The following POLR2F variants were observed in gnomAD, a reference collection of about 807,000 sequenced individuals.
The protein encoded by POLR2F is DNA-directed RNA polymerases I, II, and III subunit RPABC2.
POLR2F carries 12 observed loss-of-function variants against 22.7 expected under a neutral mutation model. The observed-to-expected ratio is 0.53, with a 90% confidence interval of 0.34 to 0.86. POLR2F has a LOEUF of 0.86. Ranked by LOEUF, POLR2F falls within the 40% of genes least tolerant of loss-of-function variation. POLR2F has a pLI of 0.02. For missense variants in POLR2F, 126 were observed against 171.5 expected, an observed-to-expected ratio of 0.73 and a Z score of 1.48; for synonymous variants, 57 against 66.0, an observed-to-expected ratio of 0.86 and a Z score of 0.66.
upstream of POLR2F, among the ~76,000 whole-genome samples, chr22:37,983,037 G>A (rs1932449373): frequency 6.6e-6 from 1 of 152,210 alleles, no homozygotes; most frequent in Non-Finnish European, 1.5e-5. The surrounding 1 kb of genome is among the most constrained non-coding windows in gnomAD (Gnocchi z 9.5). Flanking sequence ...GTATCTGTGG[G>A]CAGGAGTTAG....
intron 1 of POLR2F, among the ~76,000 whole-genome samples, chr22:38,020,418 C>G (rs1484559728): frequency 1.3e-5 from 2 of 151,280 alleles, no homozygotes; most frequent in Admixed American, 6.6e-5. Flanking sequence ...GTGTGCACCA[C>G]CACACCTGGC....
chr22:37,968,665 T>C lies in POLR2F; in HGVS notation c.*950T>C. ...CTCCTAGAGGGGGTCAGGGGGAGGG[T>C]GTATATTGACATGAACAGGGATAGA... is the stretch of plus-strand genomic sequence containing the variant. On this transcript the variant is annotated 3_prime_UTR_variant, in exon 5 of 5. Coordinates refer to ENST00000442738, the MANE Select transcript of POLR2F (RefSeq NM_021974.5). 1.0e-6 allele frequency: 1 copy of C among 985,060 alleles called. No homozygotes were observed. Among genetic ancestry groups the C allele is most frequent in the South Asian group, 4.7e-5 (1 of 21,272 alleles). The allele number at this position is 985,060 out of a possible 1,614,324, so 61.0% of individuals were successfully genotyped here.
At chr22:38,008,299 C>T (rs2084840880) in intron 1 of POLR2F, among the ~76,000 whole-genome samples, 1 of 151,914 alleles carries the variant, frequency 6.6e-6, no homozygotes, top group African/African-American at 2.4e-5. Flanking sequence ...CCTGTAATCC[C>T]ACCACTTTGA....
intron 1 of POLR2F, among the ~76,000 whole-genome samples, chr22:38,018,017 G>A (rs936948955): frequency 7.9e-5 from 12 of 152,318 alleles, no homozygotes; most frequent in Non-Finnish European, 2.9e-5. Context: ...AGATCCTCCT[G>A]GGCTTCAGCT....
Position 37,986,992 on chromosome 22 carries a change from G to T in POLR2F, c.120+680G>T, listed in dbSNP as rs766790108. The T allele has an allele frequency of 2.2e-6, 1 of 453,810 alleles. No individual in the cohort carries two copies. The highest frequency in any genetic ancestry group is 1.6e-5 in the South Asian group (1 of 64,476). The allele number at this position is 453,810 out of a possible 1,614,324, so 28.1% of individuals were successfully genotyped here. ...CCTTCTCCTCCTTTCCCTGCTGGGG[G>T]TGGCAGGGGTCCCTTTACCCCCTCA... On this transcript the variant is annotated intron_variant, in intron 1 of 2. Transcript: ENST00000333418. This position sits in a 1 kb window ranked among gnomAD's most constrained non-coding sequence, Gnocchi z 4.7.
upstream of POLR2F, among the ~76,000 whole-genome samples, chr22:37,984,031 C>T (rs1185433059): frequency 6.6e-6 from 1 of 152,140 alleles, no homozygotes; most frequent in Non-Finnish European, 1.5e-5. This position sits in a 1 kb window ranked among gnomAD's most constrained non-coding sequence, Gnocchi z 4.4. Context: ...TGGGTGCGTC[C>T]CGCCTCTGTG....
chr22:38,034,944 C>T (rs1380259731), intron 5 of POLR2F, among the ~76,000 whole-genome samples: 1 of 151,978 alleles, frequency 6.6e-6, no homozygotes, highest in African/African-American at 2.4e-5. Context: ...CTCCCCACCC[C>T]ACCTTGCTAG....
chr22:38,003,686 C>T (rs892925076), intron 1 of POLR2F, among the ~76,000 whole-genome samples: 1 of 152,004 alleles, frequency 6.6e-6, no homozygotes, highest in African/African-American at 2.4e-5. Flanking sequence ...AAGCGATTCT[C>T]ACACCTCAGC....
chr22:37,971,815 C>T (rs1259560385), downstream of POLR2F, among the ~76,000 whole-genome samples: 1 of 152,086 alleles, frequency 6.6e-6, no homozygotes, highest in Non-Finnish European at 1.5e-5. Context: ...AAACTCCCGT[C>T]TGCTGAGTGC....
Position 38,031,999 on chromosome 22 carries a change from TCTTTTA to T in POLR2F, c.453-9063_453-9058del, listed in dbSNP as rs936954082. On this transcript the variant is annotated intron_variant, in intron 5 of 5. Transcript: ENST00000407936. This position sits in a 1 kb window ranked among gnomAD's most constrained non-coding sequence, Gnocchi z 4.1. ...GAGATTTTGTCCAGTTTCTTTTTTTTCTTTTACTTTTTTTTTGAGACAGGGTCTTGC... is the reference window on the plus strand; with the variant it reads ...GAGATTTTGTCCAGTTTCTTTTTTTTCTTTTTTTTTGAGACAGGGTCTTGC... 1.3e-5 allele frequency among the ~76,000 whole-genome samples: 2 copies of T among 152,092 alleles called. No individual in the cohort carries two copies. Among genetic ancestry groups the T allele is most frequent in the African/African-American group, 4.8e-5 (2 of 41,410 alleles).
chr22:37,986,623 C>A lies in POLR2F; in HGVS notation c.120+311C>A, dbSNP rs1167894987. 3.0e-6 allele frequency: 2 copies of A among 662,574 alleles called. No homozygotes were observed. The highest frequency in any genetic ancestry group is 1.5e-5 in the South Asian group (1 of 66,366). 41.0% of individuals were successfully genotyped at this position (662,574 alleles called of 1,614,324 possible). A position where few individuals can be genotyped will look rare whatever the true frequency, so the allele number is the denominator to read the frequency against. ...GCCACTCCCTCTCTCTCTCCCTTGTCCCCGCACAGACACTGCCTTCCTCTC... is the reference window on the plus strand; with the variant it reads ...GCCACTCCCTCTCTCTCTCCCTTGTACCCGCACAGACACTGCCTTCCTCTC... On this transcript the variant is annotated intron_variant, in intron 1 of 2. Coordinates refer to the POLR2F transcript ENST00000333418. The surrounding 1 kb of genome is among the most constrained non-coding windows in gnomAD (Gnocchi z 4.7).
chr22:38,005,849 A>G (rs2084816363), intron 1 of POLR2F, among the ~76,000 whole-genome samples: 1 of 152,208 alleles, frequency 6.6e-6, no homozygotes, highest in South Asian at 2.1e-4. Context: ...TGTGGCTGCA[A>G]TTTCCAAGAC....
In POLR2F at chr22:37,986,312, G is replaced by A. The variant is rs1344090517; in HGVS notation, c.122G>A (p.Arg41Gln). Residue 41 changes from arginine to glutamine, a missense_variant and splice_region_variant, in exon 1 of 3, where the codon CGG (arginine) becomes CAG (glutamine). Transcript: ENST00000333418. This position sits in a 1 kb window ranked among gnomAD's most constrained non-coding sequence, Gnocchi z 4.7. ...TGCCTGCCTGGCATCTCTCTCTCCC[G>A]GTGGGTCCCCACTCATCCTTCCACC... 4 of 1,536,010 alleles carry A rather than the reference G, an allele frequency of 2.6e-6. No homozygotes were observed. The highest frequency in any genetic ancestry group is 3.5e-6 in the Non-Finnish European group (4 of 1,146,006).
At chr22:37,975,741 C>G (rs927920242) in intron 4 of POLR2F, among the ~76,000 whole-genome samples, 2 of 152,250 alleles carry the variant, frequency 1.3e-5, no homozygotes, top group South Asian at 4.2e-4. Flanking sequence ...CTTCTCTTAA[C>G]TAGTTTCCTT....
At chr22:37,963,830 G>A (rs922983877) in intron 3 of POLR2F, among the ~76,000 whole-genome samples, 2 of 152,178 alleles carry the variant, frequency 1.3e-5, no homozygotes, top group Non-Finnish European at 2.9e-5. Context: ...AGCCGGGCGC[G>A]GTGGCTCACG....
downstream of POLR2F, chr22:37,972,464 C>T (rs1210944059): frequency 5.8e-6 from 2 of 344,764 alleles, no homozygotes; most frequent in Non-Finnish European, 1.1e-5. Context: ...AAAATAGGGG[C>T]AGATATAGCT....
Position 37,986,475 on chromosome 22 carries a change from C to A in POLR2F, c.120+163C>A. ...TTAGGAGGTGGAATGTGGGGTCCCA[C>A]AGCTGCCCCCTCTCTAACTCCCTGC... On this transcript the variant is annotated intron_variant, in intron 1 of 2. Coordinates refer to the POLR2F transcript ENST00000333418. The surrounding 1 kb of genome is among the most constrained non-coding windows in gnomAD (Gnocchi z 4.7). 6.9e-7 allele frequency: 1 copy of A among 1,442,894 alleles called. No homozygotes were observed. The highest frequency in any genetic ancestry group is 9.4e-7 in the Non-Finnish European group (1 of 1,063,278). 89.4% of individuals were successfully genotyped at this position (1,442,894 alleles called of 1,614,324 possible). A position where few individuals can be genotyped will look rare whatever the true frequency, so the allele number is the denominator to read the frequency against.
chr22:37,995,110 A>C (rs1163044252), intron 1 of POLR2F, among the ~76,000 whole-genome samples: 2 of 152,198 alleles, frequency 1.3e-5, no homozygotes, highest in African/African-American at 4.8e-5. Flanking sequence ...ATCTTGGGGA[A>C]GCCAGCCACC....
At chr22:38,009,014 C>T (rs1024013914) in intron 1 of POLR2F, among the ~76,000 whole-genome samples, 7 of 152,154 alleles carry the variant, frequency 4.6e-5, no homozygotes, top group African/African-American at 1.7e-4. Context: ...GCATGAAGAC[C>T]TGAAGTTGCA....
Sources: allele counts gnomAD v4.1 joint callset (sites outside exome capture counted in the v4.1 genomes callset), GRCh38; gene constraint gnomAD v4.1.1; non-coding constraint Gnocchi (gnomAD v3.1); transcripts MANE v1.5; gene names NCBI Gene and HGNC (gene_info 2026-07-23, HGNC 2026-07-21).